Variants in AP3B1 observed in about 807,000 individuals in gnomAD.
AP3B1 encodes the protein adaptor related protein complex 3 subunit beta 1, also known as AP-3 complex subunit beta-1.
In AP3B1, 61 loss-of-function variants were observed where a neutral mutation model predicts 132.5. The ratio of observed to expected loss-of-function variants is 0.46; its 90% CI spans 0.37 to 0.57. The LOEUF (loss-of-function observed/expected upper bound fraction) is 0.57. Ranked by LOEUF, AP3B1 falls within the 20% of genes least tolerant of loss-of-function variation. AP3B1 has a pLI of 0.00. For synonymous variants in AP3B1, 388 were observed against 438.3 expected (o/e 0.89, Z 1.43); for missense variants, 1,120 against 1,289.4 (o/e 0.87, Z 2.01).
chr5:78,025,758 G>A (rs986421539), intron 24 of AP3B1, among the ~76,000 whole-genome samples: 3 of 152,150 alleles, frequency 2.0e-5, no homozygotes, highest in African/African-American at 7.2e-5. Flanking sequence ...GCTCTGAACT[G>A]CCAACCCCTG....
At chr5:78,161,402 C>G (rs1169386090) in intron 13 of AP3B1, among the ~76,000 whole-genome samples, 1 of 151,936 alleles carries the variant, frequency 6.6e-6, no homozygotes, top group Non-Finnish European at 1.5e-5. Context: ...AACAATTGCC[C>G]TGGTAAGCCT....
intron 7 of AP3B1, among the ~76,000 whole-genome samples, chr5:78,195,862 T>C (rs1219707276): frequency 6.6e-6 from 1 of 151,928 alleles, no homozygotes; most frequent in Non-Finnish European, 1.5e-5. Flanking sequence ...GACACAGACC[T>C]TACAATCTTC....
At chr5:78,163,190 G>C (rs1449375791) in intron 12 of AP3B1, among the ~76,000 whole-genome samples, 1 of 152,146 alleles carries the variant, frequency 6.6e-6, no homozygotes, top group Non-Finnish European at 1.5e-5. Context: ...TGTGGCCATA[G>C]TGGCTTGAGA....
intron 23 of AP3B1, among the ~76,000 whole-genome samples, chr5:78,038,432 C>T (rs966925668): frequency 2.0e-5 from 3 of 152,162 alleles, no homozygotes; most frequent in East Asian, 3.9e-4. Context: ...AATACACTAA[C>T]CCTAATGATA....
At chr5:78,224,545 A>G (rs1746322678) in intron 6 of AP3B1, among the ~76,000 whole-genome samples, 1 of 152,136 alleles carries the variant, frequency 6.6e-6, no homozygotes, top group South Asian at 2.1e-4. Context: ...TAAACATTCC[A>G]ATTAAAGGCA....
chr5:78,291,380 A>T (rs1749514456), intron 1 of AP3B1, among the ~76,000 whole-genome samples: 1 of 150,000 alleles, frequency 6.7e-6, no homozygotes, highest in Non-Finnish European at 1.5e-5. Context: ...AAAAAGAGCA[A>T]GACATCTGCA....
chr5:78,082,646 C>G (rs1361155297), intron 22 of AP3B1, among the ~76,000 whole-genome samples: 1 of 152,168 alleles, frequency 6.6e-6, no homozygotes, highest in South Asian at 2.1e-4. Flanking sequence ...GCTCCAGATT[C>G]AATGCATTTC....
rs77747984 is a variant in AP3B1 at position 78,031,498 on chromosome 5, C to T, written c.2894+2863G>A. Among the ~76,000 whole-genome samples, 245 of 152,330 alleles carry T rather than the reference C, an allele frequency of 1.6e-3. 1 individual carries two copies. The East Asian group carries it at 0.024, about 15-fold the overall frequency. On this transcript the variant is annotated intron_variant, in intron 24 of 26. Coordinates refer to ENST00000255194, the MANE Select transcript of AP3B1 (RefSeq NM_003664.5). The stretch of plus-strand genomic sequence containing the variant: ...GTTCTTGTAGGTCCCCACATCCACA[C>T]CAAAACGTCTTTCCCAGGCAAGTGG...
At chr5:78,190,325 T>C (rs926549588) in intron 7 of AP3B1, among the ~76,000 whole-genome samples, 3 of 152,148 alleles carry the variant, frequency 2.0e-5, no homozygotes, top group African/African-American at 7.2e-5. Flanking sequence ...AGTTACTAGC[T>C]ATAGGCATGT....
At chr5:78,108,978 TG>T (rs2112249199) in intron 20 of AP3B1, among the ~76,000 whole-genome samples, 1 of 152,308 alleles carries the variant, frequency 6.6e-6, no homozygotes, top group African/African-American at 2.4e-5. Flanking sequence ...CTTCTTACTC[TG>T]GGTTGTATTT....
At chr5:78,201,618 C>A (rs1478942843) in intron 7 of AP3B1, among the ~76,000 whole-genome samples, 1 of 152,126 alleles carries the variant, frequency 6.6e-6, no homozygotes, top group East Asian at 1.9e-4. Flanking sequence ...TTAAATTAAT[C>A]TTTGTTATCA....
intron 11 of AP3B1, among the ~76,000 whole-genome samples, chr5:78,169,038 T>C (rs1420482889): frequency 6.6e-6 from 1 of 152,014 alleles, no homozygotes; most frequent in Non-Finnish European, 1.5e-5. Flanking sequence ...TAGTCCATCC[T>C]TTCCTCATTG....
intron 4 of AP3B1, 137 bp downstream of exon 4, chr5:78,228,007 A>G: frequency 1.8e-6 from 1 of 561,954 alleles, no homozygotes; most frequent in Non-Finnish European, 3.1e-6. Flanking sequence ...TGTACTGAGT[A>G]GGCACTATAG....
At chr5:78,118,606 G>A (rs1173373030) in intron 17 of AP3B1, among the ~76,000 whole-genome samples, 3 of 152,214 alleles carry the variant, frequency 2.0e-5, no homozygotes, top group Non-Finnish European at 4.4e-5. Flanking sequence ...CAAACTGCAA[G>A]GCGGCAGTGA....
chr5:78,276,273 G>C (rs1181711898), intron 1 of AP3B1, among the ~76,000 whole-genome samples: 1 of 152,004 alleles, frequency 6.6e-6, no homozygotes, highest in East Asian at 1.9e-4. Flanking sequence ...TCCCTATGTT[G>C]TCCAGGCTGA....
At chr5:78,226,887 C>T (rs1226218502) in intron 5 of AP3B1, among the ~76,000 whole-genome samples, 2 of 151,942 alleles carry the variant, frequency 1.3e-5, no homozygotes, top group Admixed American at 6.6e-5. Flanking sequence ...CAAATCACTA[C>T]ACTTTTTAAA....
At chr5:78,205,112 T>C (rs1475136816) in intron 7 of AP3B1, among the ~76,000 whole-genome samples, 1 of 152,164 alleles carries the variant, frequency 6.6e-6, no homozygotes, top group Non-Finnish European at 1.5e-5. Flanking sequence ...CTTGAAAATT[T>C]AGGAAACCCA....
intron 7 of AP3B1, among the ~76,000 whole-genome samples, chr5:78,212,407 A>G (rs1480366432): frequency 2.0e-5 from 3 of 152,186 alleles, no homozygotes; most frequent in Admixed American, 1.3e-4. Flanking sequence ...ATTTAAATGA[A>G]TTCGGTATTA....
intron 24 of AP3B1, among the ~76,000 whole-genome samples, chr5:78,027,528 A>G (rs1747385244): frequency 6.6e-6 from 1 of 150,764 alleles, no homozygotes; most frequent in African/African-American, 2.4e-5. Flanking sequence ...TTTCTTGTGC[A>G]TTTTTTTTTC....
Sources: gnomAD v4.1 joint callset for allele counts (sites outside exome capture counted in the v4.1 genomes callset) on GRCh38, gnomAD v4.1.1 for gene constraint, MANE v1.5 for transcripts, NCBI Gene and HGNC (gene_info 2026-07-23, HGNC 2026-07-21) for gene names.